Variants in EXOC4 observed in about 807,000 individuals in gnomAD.
EXOC4 encodes the protein exocyst complex component 4, also known as SEC8-like 1.
EXOC4 carries 71 observed loss-of-function variants against 107.2 expected under a neutral mutation model. That is an observed-to-expected ratio of 0.66 (90% CI 0.55 to 0.81). EXOC4 has a LOEUF of 0.81. EXOC4 is among the 30% of genes least tolerant of loss of function. The pLI, the probability that EXOC4 is intolerant of heterozygous loss-of-function variation, is 0.00. For synonymous variants in EXOC4, 456 were observed against 441.2 expected, an observed-to-expected ratio of 1.03 and a Z score of -0.42; for missense variants, 1,108 against 1,189.6, an observed-to-expected ratio of 0.93 and a Z score of 1.01.
chr7:134,051,847 A>G (rs377217873), intron 17 of EXOC4, among the ~76,000 whole-genome samples: 3 of 150,398 alleles, frequency 2.0e-5, no homozygotes, highest in Non-Finnish European at 4.4e-5. Flanking sequence ...TTAGCTGGGC[A>G]TGGTGGTGGG....
At chr7:133,565,357 A>G (rs913960693) in intron 9 of EXOC4, among the ~76,000 whole-genome samples, 2 of 152,172 alleles carry the variant, frequency 1.3e-5, no homozygotes, top group African/African-American at 2.4e-5. Context: ...AAGAAAATCC[A>G]TAAGTAACAC....
At chr7:133,506,427 C>T (rs545834952) in intron 9 of EXOC4, among the ~76,000 whole-genome samples, 2 of 152,168 alleles carry the variant, frequency 1.3e-5, no homozygotes, top group African/African-American at 4.8e-5. Flanking sequence ...ATTGGGTGAT[C>T]AGAATTCTCA....
intron 10 of EXOC4, among the ~76,000 whole-genome samples, chr7:133,749,625 C>T (rs1382763185): frequency 6.6e-6 from 1 of 152,136 alleles, no homozygotes; most frequent in African/African-American, 2.4e-5. Flanking sequence ...AACTCCTGAC[C>T]TCAGGTGATC....
intron 17 of EXOC4, among the ~76,000 whole-genome samples, chr7:134,014,887 G>A (rs1794866586): frequency 6.6e-6 from 1 of 152,086 alleles, no homozygotes. Context: ...CCCATTAGTG[G>A]GGAAACTTTT....
intron 7 of EXOC4, among the ~76,000 whole-genome samples, chr7:133,412,013 G>C (rs567117985): frequency 6.6e-6 from 1 of 152,174 alleles, no homozygotes; most frequent in South Asian, 2.1e-4. Flanking sequence ...TGCATTGCAA[G>C]TTTTTGTTTC....
At chr7:133,869,683 T>A (rs1798711812) in intron 11 of EXOC4, among the ~76,000 whole-genome samples, 1 of 152,090 alleles carries the variant, frequency 6.6e-6, no homozygotes, top group South Asian at 2.1e-4. Context: ...GAAAGTAGAA[T>A]CCCTTCTCTA....
At chr7:133,844,237 TTCTTTATACA>T (rs994969613) in intron 11 of EXOC4, among the ~76,000 whole-genome samples, 1 of 152,122 alleles carries the variant, frequency 6.6e-6, no homozygotes, top group African/African-American at 2.4e-5. Context: ...GTACCGGCTC[TTCTTTATACA>T]TCTGGTAGAA....
chr7:133,999,139 T>A (rs879749869), intron 15 of EXOC4, among the ~76,000 whole-genome samples: 4 of 152,160 alleles, frequency 2.6e-5, no homozygotes, highest in Admixed American at 2.0e-4. Flanking sequence ...AAGTGCATGG[T>A]GTGGTAATAC....
intron 17 of EXOC4, among the ~76,000 whole-genome samples, chr7:134,034,116 A>T (rs922853833): frequency 6.6e-6 from 1 of 152,208 alleles, no homozygotes; most frequent in Non-Finnish European, 1.5e-5. Flanking sequence ...AAAGGTAACC[A>T]TGAAGCAGGC....
chr7:133,634,095 T>C (rs1326453524), intron 10 of EXOC4, among the ~76,000 whole-genome samples: 2 of 152,358 alleles, frequency 1.3e-5, no homozygotes, highest in East Asian at 3.9e-4. Context: ...CCCGTTATGC[T>C]GGTTTATATA....
chr7:134,006,386 T>G (rs936556114), intron 16 of EXOC4, among the ~76,000 whole-genome samples: 1 of 132,662 alleles, frequency 7.5e-6, no homozygotes, highest in African/African-American at 2.5e-5. Flanking sequence ...ATTTTTCATA[T>G]AAATAAGTTG....
At chr7:134,035,020 G>C (rs1033359537) in intron 17 of EXOC4, among the ~76,000 whole-genome samples, 16 of 150,576 alleles carry the variant, frequency 1.1e-4, no homozygotes, top group African/African-American at 3.9e-4. Context: ...AGATAAAAAG[G>C]TTTTTTTTCT....
Position 133,437,087 on chromosome 7 carries a change from A to T in EXOC4, c.1183-38241A>T, listed in dbSNP as rs114552708. 7.7e-3 allele frequency among the ~76,000 whole-genome samples: 1,175 copies of T among 152,186 alleles called. 13 individuals are homozygous for T. Among genetic ancestry groups the T allele is most frequent in the African/African-American group, 0.027 (1,111 of 41,550 alleles). ...TAAAGGCTCATTTTAAAATTTTTTG[A>T]TTTCTTTTTAAATTTTGCGTGTTAT... On this transcript the variant is annotated intron_variant, in intron 7 of 17. Coordinates refer to ENST00000253861, the MANE Select transcript of EXOC4 (RefSeq NM_021807.4).
chr7:133,682,449 G>A (rs1794207966), intron 10 of EXOC4, among the ~76,000 whole-genome samples: 1 of 152,064 alleles, frequency 6.6e-6, no homozygotes, highest in Non-Finnish European at 1.5e-5. Context: ...TTATCTTGCT[G>A]CCGCCATTAT....
intron 10 of EXOC4, among the ~76,000 whole-genome samples, chr7:133,725,116 A>G (rs1362736): frequency 0.87 from 132,235 of 152,196 alleles, 58,052 homozygotes; most frequent in East Asian, 0.99. Flanking sequence ...TGGTTATTGA[A>G]CACTTGAAAT....
intron 10 of EXOC4, among the ~76,000 whole-genome samples, chr7:133,717,640 A>G (rs772574628): frequency 6.6e-6 from 1 of 152,248 alleles, no homozygotes; most frequent in East Asian, 1.9e-4. Flanking sequence ...TAATGAGTAG[A>G]TGAAGTGTGG....
At chr7:133,948,092 A>G (rs1800597822) in intron 14 of EXOC4, among the ~76,000 whole-genome samples, 2 of 152,224 alleles carry the variant, frequency 1.3e-5, no homozygotes, top group South Asian at 4.1e-4. Flanking sequence ...CAGCAGAGTG[A>G]CTTGAACAAG....
At chr7:133,475,016 G>T (rs923108329) in intron 7 of EXOC4, among the ~76,000 whole-genome samples, 28 of 152,102 alleles carry the variant, frequency 1.8e-4, no homozygotes, top group African/African-American at 6.3e-4. Context: ...ATTAAATTGT[G>T]ATTAAAGAGG....
chr7:133,628,711 A>G (rs1802515152), intron 9 of EXOC4, among the ~76,000 whole-genome samples: 1 of 152,208 alleles, frequency 6.6e-6, no homozygotes, highest in Non-Finnish European at 1.5e-5. Context: ...ATTGTCACCC[A>G]CACAGTGTGT....
Sources: allele counts gnomAD v4.1 joint callset (sites outside exome capture counted in the v4.1 genomes callset), GRCh38; gene constraint gnomAD v4.1.1; transcripts MANE v1.5; gene names NCBI Gene and HGNC (gene_info 2026-07-23, HGNC 2026-07-21).